AGAP1: variants seen among roughly 807,000 people sequenced by gnomAD.
The protein encoded by AGAP1 is arf-GAP with GTPase, ANK repeat and PH domain-containing protein 1.
AGAP1 carries 29 observed loss-of-function variants against 105.3 expected under a neutral mutation model. The ratio of observed to expected loss-of-function variants is 0.28; its 90% CI spans 0.21 to 0.38. The LOEUF (loss-of-function observed/expected upper bound fraction) is 0.38, where lower values mean the gene tolerates loss of function less well. Among genes scored for constraint, AGAP1 ranks in the 10% least tolerant of loss-of-function variants. AGAP1 has a pLI of 1.00. For missense variants in AGAP1, 998 were observed against 1,165.1 expected (o/e 0.86, Z 2.09); for synonymous variants, 509 against 485.9 (o/e 1.05, Z -0.63).
intron 11 of AGAP1, among the ~76,000 whole-genome samples, chr2:235,928,133 G>A (rs918697007): frequency 6.6e-6 from 1 of 152,202 alleles, no homozygotes; most frequent in Non-Finnish European, 1.5e-5. Flanking sequence ...CAGGCATCTT[G>A]TCATTGTCCT....
rs552937616 is a variant in AGAP1 at position 235,705,007 on chromosome 2, C to T, written c.164-4172C>T. On this transcript the variant is annotated intron_variant, in intron 1 of 17. Coordinates refer to ENST00000304032, the MANE Select transcript of AGAP1 (RefSeq NM_001037131.3). The surrounding 1 kb of genome is among the most constrained non-coding windows in gnomAD (Gnocchi z 4.9). ...TTTTTTTTTTTTTTTGCGACAGAGTCTCACTCTGTTGCCCAGGCTGGAGTG... is the reference window on the plus strand; with the variant it reads ...TTTTTTTTTTTTTTTGCGACAGAGTTTCACTCTGTTGCCCAGGCTGGAGTG... Among the ~76,000 whole-genome samples, 11 of 105,926 alleles carry T rather than the reference C, an allele frequency of 1.0e-4. No homozygotes were observed. Among genetic ancestry groups the T allele is most frequent in the African/African-American group, 3.5e-4 (10 of 28,526 alleles). 69.5% of individuals were successfully genotyped at this position (105,926 alleles called of 152,430 possible). A position where few individuals can be genotyped will look rare whatever the true frequency, so the allele number is the denominator to read the frequency against.
Position 235,958,923 on chromosome 2 carries a change from A to G in AGAP1, c.1484-9539A>G, listed in dbSNP as rs995398012. Reference sequence around the variant, plus strand: ...CTCGGAGAGACTGCAGATTGTGATCATTATTGCTCGTATTATATATTTTTT... The same window carrying G: ...CTCGGAGAGACTGCAGATTGTGATCGTTATTGCTCGTATTATATATTTTTT... On this transcript the variant is annotated intron_variant, in intron 12 of 17. Coordinates refer to ENST00000304032, the MANE Select transcript of AGAP1 (RefSeq NM_001037131.3). This position sits in a 1 kb window ranked among gnomAD's most constrained non-coding sequence, Gnocchi z 4.1. Among the ~76,000 whole-genome samples, 10 of 152,294 alleles carry G rather than the reference A, an allele frequency of 6.6e-5. No individual in the cohort carries two copies. Among genetic ancestry groups the G allele is most frequent in the African/African-American group, 2.4e-4 (10 of 41,562 alleles).
chr2:235,797,584 G>C (rs1957302031), intron 6 of AGAP1, among the ~76,000 whole-genome samples, 175 bp from the exon 7 acceptor site: 4 of 152,128 alleles, frequency 2.6e-5, no homozygotes, highest in Admixed American at 2.6e-4. Flanking sequence ...ACGGGAGGAG[G>C]CTCTGGCAAA....
At position 235,993,549 on chromosome 2, in the gene AGAP1, T is replaced by G. The variant is rs2055664141; in HGVS notation, c.1645+24926T>G. ...TTTCTTTTCTGCAAGTATGGTTTTG[T>G]GTGATAGAAACCAATGCTTCCCAAA... On this transcript the variant is annotated intron_variant, in intron 13 of 17. Transcript: ENST00000304032. The surrounding 1 kb of genome is among the most constrained non-coding windows in gnomAD (Gnocchi z 5.0). Among the ~76,000 whole-genome samples the G allele has an allele frequency of 1.3e-5, 2 of 152,178 alleles. No homozygotes were observed. The highest frequency in any genetic ancestry group is 2.1e-4 in the South Asian group (1 of 4,832).
intron 6 of AGAP1, among the ~76,000 whole-genome samples, chr2:235,773,638 C>T (rs978514952): frequency 6.6e-6 from 1 of 152,180 alleles, no homozygotes; most frequent in East Asian, 1.9e-4. Flanking sequence ...TGTTCTACTA[C>T]CTCACTATAG....
intron 11 of AGAP1, among the ~76,000 whole-genome samples, chr2:235,923,282 A>G (rs1159898487): frequency 1.3e-5 from 2 of 152,196 alleles, no homozygotes; most frequent in African/African-American, 4.8e-5. Context: ...TTGCTGGTAC[A>G]GCTGTTTCCT....
chr2:235,686,556 T>TAC (rs10700794), intron 1 of AGAP1, among the ~76,000 whole-genome samples: 2,263 of 101,800 alleles, frequency 0.022, 32 homozygotes, highest in Non-Finnish European at 0.026. Flanking sequence ...GATATATATA[T>TAC]ACACACACAC....
chr2:235,933,158 C>T (rs1455082660), intron 12 of AGAP1, among the ~76,000 whole-genome samples: 2 of 152,114 alleles, frequency 1.3e-5, no homozygotes, highest in Admixed American at 1.3e-4. Context: ...TAGAGTTGAT[C>T]AAGGAAAGCT....
intron 11 of AGAP1, among the ~76,000 whole-genome samples, chr2:235,915,493 A>C (rs1012639347): frequency 6.6e-6 from 1 of 152,012 alleles, no homozygotes; most frequent in Non-Finnish European, 1.5e-5. Flanking sequence ...AATCTAGGCA[A>C]CATGGTGAAA....
In AGAP1 at chr2:236,080,134, A is replaced by C. The variant is rs1316441416; in HGVS notation, c.2114+30853A>C. 6.6e-6 allele frequency among the ~76,000 whole-genome samples: 1 copy of C among 152,228 alleles called. No homozygotes were observed. Among genetic ancestry groups the C allele is most frequent in the East Asian group, 1.9e-4 (1 of 5,190 alleles). The stretch of plus-strand genomic sequence containing the variant: ...TAAGCTTAGGAACCAAATCTTCTAC[A>C]GTGGGCACAAAGCACATTTGCCCTG... On this transcript the variant is annotated intron_variant, in intron 16 of 17. Coordinates refer to ENST00000304032, the MANE Select transcript of AGAP1 (RefSeq NM_001037131.3). The surrounding 1 kb of genome is among the most constrained non-coding windows in gnomAD (Gnocchi z 4.2).
At chr2:235,590,436 C>G (rs997712354) in intron 1 of AGAP1, among the ~76,000 whole-genome samples, 8 of 152,010 alleles carry the variant, frequency 5.3e-5, no homozygotes, top group Admixed American at 4.6e-4. Flanking sequence ...GGCCTGAGCT[C>G]CGCGAGGCTG....
At chr2:235,797,616 C>T in intron 6 of AGAP1, 143 bp from the exon 7 acceptor site, 1 of 1,066,062 alleles carries the variant, frequency 9.4e-7, no homozygotes, top group Non-Finnish European at 1.4e-6. Flanking sequence ...TTCTGGTTGT[C>T]ATTTGCCCAC....
At chr2:235,954,106 G>A (rs1353847194) in intron 12 of AGAP1, among the ~76,000 whole-genome samples, 1 of 151,988 alleles carries the variant, frequency 6.6e-6, no homozygotes, top group Non-Finnish European at 1.5e-5. Flanking sequence ...AGGCGTGGTG[G>A]CACATGCCTG....
chr2:236,110,040 G>C lies in AGAP1; in HGVS notation c.2115-10152G>C, dbSNP rs369418483. ...CTAATTTGGGAGGCATCAGATCCCTGAGCAAGAGGTCAGACAGTGCCAGGG... is the reference window on the plus strand; with the variant it reads ...CTAATTTGGGAGGCATCAGATCCCTCAGCAAGAGGTCAGACAGTGCCAGGG... On this transcript the variant is annotated intron_variant, in intron 16 of 17. Transcript: ENST00000304032. Among the ~76,000 whole-genome samples, 17 of 152,352 alleles carry C rather than the reference G, an allele frequency of 1.1e-4. No individual in the cohort carries two copies. In the South Asian group the frequency reaches 2.9e-3, roughly 26 times the overall value.
chr2:236,101,415 A>G lies in AGAP1; in HGVS notation c.2115-18777A>G, dbSNP rs1201912836. Among the ~76,000 whole-genome samples the G allele has an allele frequency of 2.6e-5, 4 of 152,150 alleles. No homozygotes were observed. Among genetic ancestry groups the G allele is most frequent in the Non-Finnish European group, 1.5e-5 (1 of 68,026 alleles). On this transcript the variant is annotated intron_variant, in intron 16 of 17. Transcript: ENST00000304032. The surrounding 1 kb of genome is among the most constrained non-coding windows in gnomAD (Gnocchi z 4.9). ...TTTTCTGAATGTGTCGCCGTGTCAT[A>G]GCCTGCGACCTTCTCTTTCTCAGGT... is the stretch of plus-strand genomic sequence containing the variant.
intron 1 of AGAP1, among the ~76,000 whole-genome samples, chr2:235,499,100 AAAGCTTAGGACACTT>A (rs1941449535): frequency 6.6e-6 from 1 of 152,172 alleles, no homozygotes; most frequent in Non-Finnish European, 1.5e-5. Flanking sequence ...CTGAGGCCAG[AAAGCTTAGGACACTT>A]GTGCGAGAGC....
At position 235,631,589 on chromosome 2, in the gene AGAP1, C is replaced by G. The variant is rs1327286668; in HGVS notation, c.164-77590C>G. 6.6e-6 allele frequency among the ~76,000 whole-genome samples: 1 copy of G among 152,202 alleles called. No individual in the cohort carries two copies. The highest frequency in any genetic ancestry group is 1.5e-5 in the Non-Finnish European group (1 of 68,046). The stretch of plus-strand genomic sequence containing the variant: ...CTAGAGGACCTATTTCCTCTTGGTG[C>G]TCTTCTGCTTTTTGCTTCTTCCCTG... On this transcript the variant is annotated intron_variant, in intron 1 of 17. Transcript: ENST00000304032. The surrounding 1 kb of genome is among the most constrained non-coding windows in gnomAD (Gnocchi z 5.4).
Position 236,126,705 on chromosome 2 carries a change from A to C in AGAP1, c.*2583A>C, listed in dbSNP as rs745429808. 2 of 152,018 alleles carry C rather than the reference A, an allele frequency of 1.3e-5. No individual in the cohort carries two copies. The highest frequency in any genetic ancestry group is 2.9e-5 in the Non-Finnish European group (2 of 68,010). The allele number at this position is 152,018 out of a possible 1,614,324, so 9.4% of individuals were successfully genotyped here. On this transcript the variant is annotated 3_prime_UTR_variant, in exon 18 of 18. Coordinates refer to ENST00000304032, the MANE Select transcript of AGAP1 (RefSeq NM_001037131.3). ...GTGATGTCCATCTGCTCCACTCCGC[A>C]GCCACTTTCTAGGGCCCAAGTTTTG...
At chr2:235,851,390 T>A (rs1019625589) in intron 9 of AGAP1, among the ~76,000 whole-genome samples, 3 of 152,228 alleles carry the variant, frequency 2.0e-5, no homozygotes, top group African/African-American at 7.2e-5. Context: ...CAGAAGCAGC[T>A]TGGCCCCAGG....
Sources: gnomAD v4.1 joint callset for allele counts (sites outside exome capture counted in the v4.1 genomes callset) on GRCh38, gnomAD v4.1.1 for gene constraint, Gnocchi (gnomAD v3.1) non-coding constraint, MANE v1.5 for transcripts, NCBI Gene and HGNC (gene_info 2026-07-23, HGNC 2026-07-21) for gene names.